PRKCE: variants seen among roughly 807,000 people sequenced by gnomAD.
PRKCE encodes protein kinase C epsilon.
In PRKCE, 16 loss-of-function variants were observed where a neutral mutation model predicts 85.4. The ratio of observed to expected loss-of-function variants is 0.19; its 90% CI spans 0.13 to 0.28. The LOEUF (loss-of-function observed/expected upper bound fraction) is 0.28. Ranked by LOEUF, PRKCE falls within the 10% of genes least tolerant of loss-of-function variation. PRKCE has a pLI of 1.00. For missense variants in PRKCE, 573 were observed against 975.2 expected, an observed-to-expected ratio of 0.59 and a Z score of 5.49; for synonymous variants, 388 against 371.5, an observed-to-expected ratio of 1.04 and a Z score of -0.51.
At chr2:45,781,302 A>G (rs1443322498) in intron 1 of PRKCE, among the ~76,000 whole-genome samples, 1 of 152,210 alleles carries the variant, frequency 6.6e-6, no homozygotes, top group Non-Finnish European at 1.5e-5. Flanking sequence ...GCACCATTGC[A>G]TTCCGGCATG....
intron 1 of PRKCE, among the ~76,000 whole-genome samples, chr2:45,729,454 C>T (rs1235781080): frequency 6.6e-6 from 1 of 151,600 alleles, no homozygotes; most frequent in Admixed American, 6.6e-5. Flanking sequence ...GCTCGGCCCT[C>T]CCTGGAGCCT....
At chr2:45,847,230 C>T (rs1479715387) in intron 2 of PRKCE, among the ~76,000 whole-genome samples, 1 of 152,178 alleles carries the variant, frequency 6.6e-6, no homozygotes, top group Non-Finnish European at 1.5e-5. Flanking sequence ...ATTCCGTGGC[C>T]CTTAATGCTA....
chr2:45,860,113 C>T (rs1693024530), intron 2 of PRKCE, among the ~76,000 whole-genome samples: 1 of 152,172 alleles, frequency 6.6e-6, no homozygotes, highest in Non-Finnish European at 1.5e-5. Context: ...AGAATGTAAG[C>T]TCCCGAGGAC....
At chr2:46,091,659 C>G (rs1217185648) in intron 11 of PRKCE, among the ~76,000 whole-genome samples, 2 of 152,158 alleles carry the variant, frequency 1.3e-5, no homozygotes, top group Admixed American at 1.3e-4. Flanking sequence ...GATAGTTATA[C>G]CTGTCTCACA....
chr2:46,135,353 T>C (rs1456962299), intron 11 of PRKCE, among the ~76,000 whole-genome samples: 3 of 152,206 alleles, frequency 2.0e-5, no homozygotes, highest in African/African-American at 7.2e-5. Flanking sequence ...AGTGAAGTGA[T>C]TCAGAGCATG....
At chr2:45,765,529 T>A (rs1296952031) in intron 1 of PRKCE, among the ~76,000 whole-genome samples, 1 of 152,234 alleles carries the variant, frequency 6.6e-6, no homozygotes, top group Admixed American at 6.5e-5. Flanking sequence ...CCTTTTGTGG[T>A]TTGCTTCCAA....
Position 46,151,024 on chromosome 2 carries a change from G to T in PRKCE, c.1732-17G>T. Reference sequence around the variant, plus strand: ...GGAGCCTTTGATGGTGCCTGACATTGCTGGTTTCCTGAACAGATCCTGCAG... The same window carrying T: ...GGAGCCTTTGATGGTGCCTGACATTTCTGGTTTCCTGAACAGATCCTGCAG... On this transcript the variant is annotated splice_polypyrimidine_tract_variant and intron_variant, in intron 12 of 14. Coordinates refer to ENST00000306156, the MANE Select transcript of PRKCE (RefSeq NM_005400.3). 2 of 1,586,124 alleles carry T rather than the reference G, an allele frequency of 1.3e-6. No individual in the cohort carries two copies. Among genetic ancestry groups the T allele is most frequent in the Non-Finnish European group, 8.5e-7 (1 of 1,169,722 alleles).
At chr2:45,705,788 C>T (rs1679064565) in intron 1 of PRKCE, among the ~76,000 whole-genome samples, 1 of 152,160 alleles carries the variant, frequency 6.6e-6, no homozygotes, top group Non-Finnish European at 1.5e-5. Context: ...CAAGAAGGTA[C>T]TTATTTTCCT....
At chr2:45,804,928 T>C (rs2105216289) in intron 1 of PRKCE, among the ~76,000 whole-genome samples, 1 of 149,234 alleles carries the variant, frequency 6.7e-6, no homozygotes, top group East Asian at 2.0e-4. Context: ...AAGACTTTGT[T>C]CAGCTAAACT....
chr2:45,826,942 C>T (rs1435859174), intron 1 of PRKCE, among the ~76,000 whole-genome samples: 2 of 152,248 alleles, frequency 1.3e-5, no homozygotes, highest in East Asian at 1.9e-4. Context: ...CCATAGGCTC[C>T]TAAGTTGCCT....
chr2:46,074,430 A>AAAAAAAAAAAAAAAAAAAAAAAAAAAAC (rs1668363747), intron 10 of PRKCE, among the ~76,000 whole-genome samples: 1 of 9,412 alleles, frequency 1.1e-4, no homozygotes, highest in Non-Finnish European at 2.3e-4. Context: ...AACAACAACC[A>AAAAAAAAAAAAAAAAAAAAAAAAAAAAC]AAAAAAAAAA....
chr2:46,017,018 T>TC (rs1553475271), intron 10 of PRKCE, among the ~76,000 whole-genome samples: 348 of 9,564 alleles, frequency 0.036, 3 homozygotes, highest in East Asian at 0.28. Context: ...GGTTATTCAC[T>TC]CCCCCTTTTT....
At chr2:46,131,564 G>C (rs965319) in intron 11 of PRKCE, among the ~76,000 whole-genome samples, 8,842 of 152,246 alleles carry the variant, frequency 0.058, 376 homozygotes, top group Non-Finnish European at 0.09. Flanking sequence ...GAAAGAGAGG[G>C]CCCAGGAACA....
At chr2:46,055,852 G>C (rs61543620) in intron 10 of PRKCE, among the ~76,000 whole-genome samples, 7,530 of 152,176 alleles carry the variant, frequency 0.049, 221 homozygotes, top group African/African-American at 0.08. Flanking sequence ...TGTTAGAGAT[G>C]GGGTTTTGCC....
chr2:45,949,377 GATGAAT>G (rs756232315), intron 2 of PRKCE, among the ~76,000 whole-genome samples: 4 of 143,920 alleles, frequency 2.8e-5, no homozygotes, highest in Non-Finnish European at 4.6e-5. Flanking sequence ...ACTATTGGCC[GATGAAT>G]TGTTCATTTA....
At chr2:46,081,533 G>A (rs1387836113) in intron 10 of PRKCE, among the ~76,000 whole-genome samples, 1 of 152,176 alleles carries the variant, frequency 6.6e-6, no homozygotes, top group Non-Finnish European at 1.5e-5. Context: ...TGCTACAACA[G>A]AGAGTGTAGC....
chr2:46,176,281 A>G (rs142309097), intron 14 of PRKCE, among the ~76,000 whole-genome samples: 82 of 152,302 alleles, frequency 5.4e-4, no homozygotes, highest in African/African-American at 1.8e-3. Flanking sequence ...GCAGTTCAAC[A>G]GAATCCCTAG....
intron 10 of PRKCE, among the ~76,000 whole-genome samples, chr2:46,064,767 T>C (rs12994911): frequency 0.2 from 30,543 of 152,222 alleles, 3,772 homozygotes; most frequent in Non-Finnish European, 0.28. Flanking sequence ...GAAGTTTTTT[T>C]GGTAATTCTC....
rs1306019313 is a variant in PRKCE at position 45,980,293 on chromosome 2, C to T, written c.608-3C>T. 2 of 1,599,480 alleles carry T rather than the reference C, an allele frequency of 1.3e-6. No individual in the cohort carries two copies. The highest frequency in any genetic ancestry group is 1.7e-6 in the Non-Finnish European group (2 of 1,179,774). ...TCAGCCTTCCTGTCTTTGCTATTTG[C>T]AGTCTGCACCTGCGTGGTCCACAAG... is the stretch of plus-strand genomic sequence containing the variant. On this transcript the variant is annotated splice_polypyrimidine_tract_variant and splice_region_variant and intron_variant, in intron 4 of 14. Transcript: ENST00000306156.
Sources: gnomAD v4.1 joint callset for allele counts (sites outside exome capture counted in the v4.1 genomes callset) on GRCh38, gnomAD v4.1.1 for gene constraint, MANE v1.5 for transcripts, NCBI Gene and HGNC (gene_info 2026-07-23, HGNC 2026-07-21) for gene names.